SLC6A15: variants seen among roughly 807,000 people sequenced by gnomAD.
SLC6A15 encodes the protein solute carrier family 6 member 15.
In SLC6A15, 33 loss-of-function variants were observed where a neutral mutation model predicts 68.5. The ratio of observed to expected loss-of-function variants is 0.48; its 90% CI spans 0.37 to 0.64. The LOEUF is 0.64. Ranked by LOEUF, SLC6A15 falls within the 30% of genes least tolerant of loss-of-function variation. The pLI is 0.00. For synonymous variants in SLC6A15, 347 were observed against 301.0 expected (o/e 1.15, Z -1.58); for missense variants, 747 against 874.3 (o/e 0.85, Z 1.84).
chr12:84,891,555 C>T (rs1251419949), intron 2 of SLC6A15, among the ~76,000 whole-genome samples: 1 of 152,140 alleles, frequency 6.6e-6, no homozygotes, highest in Non-Finnish European at 1.5e-5. Context: ...AAGTTTCACT[C>T]AGTTATTCAG....
At chr12:84,903,306 T>G in intron 1 of SLC6A15, among the ~76,000 whole-genome samples, 1 of 152,070 alleles carries the variant, frequency 6.6e-6, no homozygotes. Context: ...AGTTAATGGG[T>G]GCAGCACACC....
At chr12:84,871,132 G>T (rs1175942126) in intron 8 of SLC6A15, among the ~76,000 whole-genome samples, 1 of 150,232 alleles carries the variant, frequency 6.7e-6, no homozygotes, top group Non-Finnish European at 1.5e-5. Context: ...ATCAATTGTT[G>T]TTATATATAT....
intron 10 of SLC6A15, among the ~76,000 whole-genome samples, chr12:84,864,001 G>A (rs973693325): frequency 5.3e-5 from 8 of 149,866 alleles, no homozygotes; most frequent in Admixed American, 4.7e-4. Flanking sequence ...TATATATTAA[G>A]GAATTATTAC....
At position 84,870,620 on chromosome 12, in the gene SLC6A15, T is replaced by G. The variant is rs765307283; in HGVS notation, c.1353A>C (p.Thr451=). ...ACCAGAAGGGAGATGCAGGAAAATG[T>G]GTCATCGCTTCTGTAAAGGCAATAA... The part of the protein sequence containing the change: ...LAFIAFTEAM[T]HFPASPFWSV... Residue 451 remains threonine (T), a synonymous_variant, in exon 9 of 12, where the codon ACA becomes ACC. Coordinates refer to ENST00000266682, the MANE Select transcript of SLC6A15 (RefSeq NM_182767.6). The G allele has an allele frequency of 1.2e-6, 2 of 1,612,304 alleles. No individual in the cohort carries two copies. Among genetic ancestry groups the G allele is most frequent in the Non-Finnish European group, 1.7e-6 (2 of 1,179,108 alleles).
intron 5 of SLC6A15, chr12:84,882,596 G>C (rs61268326): frequency 2.6e-6 from 1 of 389,126 alleles, no homozygotes; most frequent in Non-Finnish European, 3.5e-6. Context: ...GACTAGGACG[G>C]GGTGAGACAT....
chr12:84,885,776 T>C (rs1872070767), intron 3 of SLC6A15, 135 bp downstream of exon 3: 3 of 1,005,736 alleles, frequency 3.0e-6, no homozygotes, highest in Non-Finnish European at 4.3e-6. Flanking sequence ...AGTTAATCCA[T>C]ATGCCAGTAA....
intron 1 of SLC6A15, among the ~76,000 whole-genome samples, chr12:84,902,057 A>T (rs1172937371): frequency 6.6e-6 from 1 of 151,832 alleles, no homozygotes; most frequent in Non-Finnish European, 1.5e-5. Flanking sequence ...TCATCAAGAG[A>T]TTTCATGAAA....
chr12:84,864,678 C>A (rs1288118684), intron 10 of SLC6A15, among the ~76,000 whole-genome samples: 1 of 152,024 alleles, frequency 6.6e-6, no homozygotes, highest in Non-Finnish European at 1.5e-5. Flanking sequence ...GCTCCAGAAT[C>A]TTAAAGGACA....
intron 2 of SLC6A15, among the ~76,000 whole-genome samples, chr12:84,887,931 A>G (rs954878610): frequency 6.6e-6 from 1 of 152,070 alleles, no homozygotes; most frequent in African/African-American, 2.4e-5. Flanking sequence ...TATTATATGA[A>G]AAAGATACTT....
chr12:84,897,362 A>C (rs1872675186), intron 1 of SLC6A15, among the ~76,000 whole-genome samples: 1 of 152,158 alleles, frequency 6.6e-6, no homozygotes, highest in Admixed American at 6.5e-5. Flanking sequence ...GAAGAAAGCT[A>C]ATGAAAACTG....
chr12:84,899,524 C>G (rs552907185), intron 1 of SLC6A15, among the ~76,000 whole-genome samples: 2 of 152,230 alleles, frequency 1.3e-5, no homozygotes, highest in East Asian at 3.9e-4. Context: ...TATTTTCATT[C>G]TTTCCTTTTT....
chr12:84,873,164 AG>A lies in SLC6A15; in HGVS notation c.1031del (p.Thr344IlefsTer20). The stretch of plus-strand genomic sequence containing the variant: ...ACACCACCAATGTTGCCAGGACAGA[AG>A]TGAAAAAATTGATGAAGGACACCAG... ...AVLVSFINFF[T>X]SVLATLVVFA... On this transcript the variant is annotated frameshift_variant, in exon 7 of 12. Coordinates refer to ENST00000266682, the MANE Select transcript of SLC6A15 (RefSeq NM_182767.6). LOFTEE classifies it high-confidence loss of function. 1 of 1,614,080 alleles carries A rather than the reference AG, an allele frequency of 6.2e-7. No individual in the cohort carries two copies. Among genetic ancestry groups the A allele is most frequent in the Non-Finnish European group, 8.5e-7 (1 of 1,179,982 alleles).
chr12:84,883,653 C>A lies in SLC6A15; in HGVS notation c.756+206G>T, dbSNP rs1871933811. 2.7e-6 allele frequency: 4 copies of A among 1,474,894 alleles called. No homozygotes were observed. The Admixed American group carries it at 7.2e-5, about 26-fold the overall frequency. The allele number at this position is 1,474,894 out of a possible 1,614,324, so 91.4% of individuals were successfully genotyped here. A position where few individuals can be genotyped will look rare whatever the true frequency, so the allele number is the denominator to read the frequency against. The stretch of plus-strand genomic sequence containing the variant: ...GAAATAAGGAAAGATTATAATTAAC[C>A]TTAGATTTCACTATAAAACACTGTT... On this transcript the variant is annotated intron_variant, in intron 5 of 11. Coordinates refer to ENST00000266682, the MANE Select transcript of SLC6A15 (RefSeq NM_182767.6).
At chr12:84,897,743 A>T (rs1181451878) in intron 1 of SLC6A15, among the ~76,000 whole-genome samples, 1 of 152,178 alleles carries the variant, frequency 6.6e-6, no homozygotes, top group African/African-American at 2.4e-5. Flanking sequence ...TCCTAAGCAT[A>T]AGAGAAATGA....
chr12:84,864,476 C>A (rs1046093020), intron 10 of SLC6A15, among the ~76,000 whole-genome samples: 1 of 151,906 alleles, frequency 6.6e-6, no homozygotes, highest in South Asian at 2.1e-4. Context: ...ACCACCATCA[C>A]GCCCGGCTGA....
rs774350864 is a variant in SLC6A15 at position 84,861,827 on chromosome 12, A to C, written c.1998T>G (p.Pro666=). 1 of 1,613,960 alleles carries C rather than the reference A, an allele frequency of 6.2e-7. No homozygotes were observed. The highest frequency in any genetic ancestry group is 1.1e-5 in the South Asian group (1 of 91,074). ...TYKRGRVLKE[P]VNLEGDDTSL... ...TTGTATCATCGCCCTCTAAGTTCAC[A>C]GGCTCTTTCAGGACCCTTCCTCTCT... is the stretch of plus-strand genomic sequence containing the variant. Residue 666 remains proline, a synonymous_variant, in exon 12 of 12, where the codon CCT becomes CCG. Transcript: ENST00000266682.
At chr12:84,864,655 T>C (rs1357249164) in intron 10 of SLC6A15, among the ~76,000 whole-genome samples, 1 of 152,110 alleles carries the variant, frequency 6.6e-6, no homozygotes, top group Admixed American at 6.6e-5. Context: ...CCCTTTTTCA[T>C]TTCTTCCAAG....
rs368853225 is a variant in SLC6A15, at chr12:84,861,436, C to A, written c.*196G>T. On this transcript the variant is annotated 3_prime_UTR_variant, in exon 12 of 12. Coordinates refer to ENST00000266682, the MANE Select transcript of SLC6A15 (RefSeq NM_182767.6). ...AGCCCTCCTAAGATTTGTCTGCAAT[C>A]CTTTCTGCACAAATGTAAACCAAAG... 4.4e-4 allele frequency: 239 copies of A among 538,534 alleles called. 5 individuals are homozygous for A. The South Asian group carries it at 0.011, about 24-fold the overall frequency. 33.4% of individuals were successfully genotyped at this position (538,534 alleles called of 1,614,324 possible). A position where few individuals can be genotyped will look rare whatever the true frequency, so the allele number is the denominator to read the frequency against.
intron 4 of SLC6A15, 144 bp downstream of exon 4, chr12:84,885,291 C>T: frequency 1.3e-6 from 1 of 761,470 alleles, no homozygotes; most frequent in South Asian, 2.8e-5. Context: ...GTATGTCAAT[C>T]CTGAATGTGA....
Sources: gnomAD v4.1 joint callset for allele counts (sites outside exome capture counted in the v4.1 genomes callset) on GRCh38, gnomAD v4.1.1 for gene constraint, MANE v1.5 for transcripts, NCBI Gene and HGNC (gene_info 2026-07-23, HGNC 2026-07-21) for gene names.